The following ASCC3 variants were observed in gnomAD, a reference collection of about 807,000 sequenced individuals.
ASCC3 encodes activating signal cointegrator 1 complex subunit 3, also known as ASC-1 complex subunit P200.
Under a neutral mutation model 256.3 loss-of-function variants are expected in ASCC3, and 158 were observed. The observed-to-expected ratio is 0.62, with a 90% CI of 0.54 to 0.70. ASCC3 has a LOEUF of 0.70. Among genes scored for constraint, ASCC3 ranks in the 30% least tolerant of loss-of-function variants. ASCC3 has a pLI of 0.00. For synonymous variants in ASCC3, 948 were observed against 883.4 expected, an observed-to-expected ratio of 1.07 and a Z score of -1.30; for missense variants, 2,259 against 2,626.0, an observed-to-expected ratio of 0.86 and a Z score of 3.05.
intron 13 of ASCC3, 31 bp downstream of exon 13, chr6:100,715,431 A>AT (rs1779045711): frequency 4.5e-6 from 7 of 1,567,636 alleles, no homozygotes; most frequent in Non-Finnish European, 6.1e-6. Flanking sequence ...AAGCAGATAA[A>AT]TAAGTGTAAA....
chr6:100,673,805 C>T (rs1289217576), intron 14 of ASCC3, among the ~76,000 whole-genome samples: 4 of 152,186 alleles, frequency 2.6e-5, no homozygotes, highest in Admixed American at 6.6e-5. Context: ...AAAGCCTAGG[C>T]ATGGAATTTA....
intron 4 of ASCC3, among the ~76,000 whole-genome samples, chr6:100,812,613 A>G (rs1470070094): frequency 6.6e-6 from 1 of 152,218 alleles, no homozygotes; most frequent in Admixed American, 6.5e-5. Context: ...ACTGGAAGAC[A>G]GATGGATATT....
At chr6:100,603,903 A>AT (rs1282060990) in intron 33 of ASCC3, among the ~76,000 whole-genome samples, 1 of 151,918 alleles carries the variant, frequency 6.6e-6, no homozygotes, top group African/African-American at 2.4e-5. Context: ...CTTCTCGTAA[A>AT]TTTTTTATCA....
chr6:100,736,864 G>A (rs2115060936), intron 10 of ASCC3, among the ~76,000 whole-genome samples: 1 of 152,188 alleles, frequency 6.6e-6, no homozygotes, highest in Middle Eastern at 3.4e-3. Flanking sequence ...AAAGAGGAAT[G>A]AGGCCAGGCA....
intron 35 of ASCC3, 63 bp from the exon 36 acceptor site, chr6:100,589,831 A>G: frequency 6.2e-7 from 1 of 1,606,100 alleles, no homozygotes; most frequent in African/African-American, 1.3e-5. Context: ...AAAATTAATA[A>G]TTCAGACAGG....
intron 25 of ASCC3, among the ~76,000 whole-genome samples, chr6:100,636,453 C>T (rs1774848067): frequency 6.6e-6 from 1 of 152,156 alleles, no homozygotes; most frequent in Admixed American, 6.6e-5. Flanking sequence ...CTCCTCAGGC[C>T]TCCTTCTTCC....
chr6:100,850,288 C>T (rs1167651627), intron 3 of ASCC3, among the ~76,000 whole-genome samples: 1 of 151,968 alleles, frequency 6.6e-6, no homozygotes, highest in African/African-American at 2.4e-5. Flanking sequence ...CACCAAAAAC[C>T]ACGTTCTACC....
chr6:100,662,610 G>A lies in ASCC3; in HGVS notation c.2287-74C>T, dbSNP rs568628205. 292 of 1,385,742 alleles carry A rather than the reference G, an allele frequency of 2.1e-4. 2 individuals are homozygous for A. The South Asian group carries it at 3.4e-3, about 16-fold the overall frequency. 85.8% of individuals were successfully genotyped at this position (1,385,742 alleles called of 1,614,324 possible). On this transcript the variant is annotated intron_variant, in intron 14 of 41. Transcript: ENST00000369162. Reference sequence around the variant, plus strand: ...TGTTTTTAGCATTTCTGTTGTATGAGTTCATCAAAGAAATCAGAAAATTAT... The same window carrying A: ...TGTTTTTAGCATTTCTGTTGTATGAATTCATCAAAGAAATCAGAAAATTAT...
intron 13 of ASCC3, among the ~76,000 whole-genome samples, chr6:100,687,631 A>G (rs984681028): frequency 7.2e-5 from 11 of 152,096 alleles, no homozygotes; most frequent in Non-Finnish European, 1.2e-4. Context: ...GTAATAAGAT[A>G]GTATATTTGC....
chr6:100,800,584 C>G (rs958690249), intron 5 of ASCC3, 80 bp from the exon 6 acceptor site: 21 of 1,058,270 alleles, frequency 2.0e-5, no homozygotes, highest in Non-Finnish European at 2.8e-5. Flanking sequence ...TTCTTTCCTC[C>G]ACCCCACAAC....
At chr6:100,564,244 G>A (rs1483897014) in intron 36 of ASCC3, among the ~76,000 whole-genome samples, 1 of 151,466 alleles carries the variant, frequency 6.6e-6, no homozygotes, top group East Asian at 1.9e-4. Flanking sequence ...CTAACTATTT[G>A]AAATATACGA....
At chr6:100,860,779 GAGGAAAAGCAGTACGCACTATTC>G (rs1179808414) in intron 3 of ASCC3, among the ~76,000 whole-genome samples, 1 of 152,028 alleles carries the variant, frequency 6.6e-6, no homozygotes, top group Non-Finnish European at 1.5e-5. Flanking sequence ...ATAAAAGAGA[GAGGAAAAGCAGTACGCACTATTC>G]AGGAAATTCA....
chr6:100,579,520 T>C lies in ASCC3; in HGVS notation c.5550+10114A>G, dbSNP rs1013836841. On this transcript the variant is annotated intron_variant, in intron 36 of 41. Transcript: ENST00000369162. ...AATCCATCTTGACTTGACTTTTGTA[T>C]ACGGGTAAGGAAGGGGTCCTATTTC... Among the ~76,000 whole-genome samples the C allele has an allele frequency of 5.9e-5, 9 of 152,260 alleles. No homozygotes were observed. The South Asian group carries it at 1.0e-3, about 18-fold the overall frequency.
intron 8 of ASCC3, among the ~76,000 whole-genome samples, chr6:100,797,478 G>GA (rs754867943): frequency 0.39 from 43,881 of 113,172 alleles, 7,230 homozygotes; most frequent in South Asian, 0.56. Context: ...AAAAAAAAAT[G>GA]AAAAAAAAAA....
intron 10 of ASCC3, among the ~76,000 whole-genome samples, chr6:100,765,939 T>A (rs568656557): frequency 1.6e-4 from 25 of 152,308 alleles, no homozygotes; most frequent in African/African-American, 5.5e-4. Context: ...TTTATTTTTT[T>A]AAAAACACAA....
At chr6:100,800,757 T>C (rs1769876803) in intron 5 of ASCC3, among the ~76,000 whole-genome samples, 1 of 151,798 alleles carries the variant, frequency 6.6e-6, no homozygotes, top group Non-Finnish European at 1.5e-5. Flanking sequence ...GTCACTGACA[T>C]TATAAATTCT....
At chr6:100,768,727 G>C (rs1781781782) in intron 8 of ASCC3, among the ~76,000 whole-genome samples, 1 of 152,068 alleles carries the variant, frequency 6.6e-6, no homozygotes, top group Non-Finnish European at 1.5e-5. Flanking sequence ...AAACCAACTT[G>C]ACTTGATTGA....
intron 14 of ASCC3, among the ~76,000 whole-genome samples, chr6:100,673,331 C>A (rs1299086470): frequency 6.6e-6 from 1 of 151,964 alleles, no homozygotes; most frequent in African/African-American, 2.4e-5. Context: ...AATCTCTCTA[C>A]CCCTAGGAAT....
At chr6:100,711,346 T>C (rs1458219204) in intron 13 of ASCC3, among the ~76,000 whole-genome samples, 1 of 152,224 alleles carries the variant, frequency 6.6e-6, no homozygotes, top group African/African-American at 2.4e-5. Flanking sequence ...AGATAAAATA[T>C]CTACTATGTG....
Sources: gnomAD v4.1 joint callset for allele counts (sites outside exome capture counted in the v4.1 genomes callset) on GRCh38, gnomAD v4.1.1 for gene constraint, MANE v1.5 for transcripts, NCBI Gene and HGNC (gene_info 2026-07-23, HGNC 2026-07-21) for gene names.